Variants in PAM observed in about 807,000 individuals in gnomAD.
PAM encodes peptidylglycine alpha-amidating monooxygenase.
PAM carries 72 observed loss-of-function variants against 122.1 expected under a neutral mutation model. The observed-to-expected ratio is 0.59, with a 90% CI of 0.49 to 0.72. PAM has a LOEUF of 0.72. Among genes scored for constraint, PAM ranks in the 30% least tolerant of loss-of-function variants. The pLI is 0.00. For missense variants in PAM, 1,106 were observed against 1,183.7 expected (o/e 0.93, Z 0.96); for synonymous variants, 389 against 404.4 (o/e 0.96, Z 0.46).
chr5:102,959,828 T>C, intron 12 of PAM, 47 bp from the exon 13 acceptor site: 2 of 1,295,536 alleles, frequency 1.5e-6, no homozygotes, highest in Non-Finnish European at 2.2e-6. Context: ...ATTAAGCATG[T>C]GTTTTATGTG....
At chr5:102,793,743 A>G (rs1762643341) in intron 1 of PAM, among the ~76,000 whole-genome samples, 1 of 152,230 alleles carries the variant, frequency 6.6e-6, no homozygotes, top group Non-Finnish European at 1.5e-5. Flanking sequence ...AAAATATTAA[A>G]TGCTTTAAGT....
intron 1 of PAM, among the ~76,000 whole-genome samples, chr5:102,815,457 T>A (rs1769465663): frequency 6.6e-6 from 1 of 152,168 alleles, no homozygotes; most frequent in Non-Finnish European, 1.5e-5. Flanking sequence ...TGCATTAAAT[T>A]ACTAGTTTAT....
At chr5:103,000,086 G>A (rs924928908) in intron 16 of PAM, among the ~76,000 whole-genome samples, 3 of 152,146 alleles carry the variant, frequency 2.0e-5, no homozygotes, top group Middle Eastern at 3.4e-3. Context: ...TTAAACATAC[G>A]TTCCAATTCA....
At chr5:102,813,173 C>G (rs1768494827) in intron 1 of PAM, among the ~76,000 whole-genome samples, 1 of 151,634 alleles carries the variant, frequency 6.6e-6, no homozygotes, top group Non-Finnish European at 1.5e-5. Context: ...TTTACTAATC[C>G]CTTTACTTTG....
intron 3 of PAM, among the ~76,000 whole-genome samples, chr5:102,867,739 A>G (rs1353225012): frequency 6.6e-6 from 1 of 152,238 alleles, no homozygotes; most frequent in African/African-American, 2.4e-5. Flanking sequence ...AAGGAAAATG[A>G]TATTGAGCAG....
intron 1 of PAM, among the ~76,000 whole-genome samples, chr5:102,853,070 C>T (rs1384288344): frequency 6.6e-6 from 1 of 152,220 alleles, no homozygotes; most frequent in Non-Finnish European, 1.5e-5. Flanking sequence ...AATTGACCCT[C>T]ACTGCTGATT....
rs544321044 is a variant in PAM, at chr5:102,768,162, A to C, written c.-374+12814A>C. ...ATTACCATTAACATTTTCCACTCTG[A>C]TTCATACCTAACCATGTCTTTTAAA... On this transcript the variant is annotated intron_variant, in intron 1 of 25. Transcript: ENST00000438793. Among the ~76,000 whole-genome samples the C allele has an allele frequency of 3.9e-5, 6 of 152,258 alleles. No individual in the cohort carries two copies. In the South Asian group the frequency reaches 1.2e-3, roughly 32 times the overall value.
intron 1 of PAM, among the ~76,000 whole-genome samples, chr5:102,806,153 T>C (rs982715129): frequency 6.6e-6 from 1 of 152,228 alleles, no homozygotes; most frequent in Non-Finnish European, 1.5e-5. Flanking sequence ...TGTGTGTGTA[T>C]TGCCTAGATA....
intron 14 of PAM, among the ~76,000 whole-genome samples, chr5:102,964,363 C>A (rs1560040): frequency 0.29 from 43,362 of 151,620 alleles, 6,489 homozygotes; most frequent in East Asian, 0.43. Flanking sequence ...AACCTTTCAC[C>A]ATATCTTTGT....
chr5:102,867,458 A>G, intron 3 of PAM, 65 bp downstream of exon 3: 1 of 1,250,256 alleles, frequency 8.0e-7, no homozygotes, highest in Admixed American at 1.9e-5. Context: ...AAAGTAAGGA[A>G]ACTGCATTTA....
intron 1 of PAM, among the ~76,000 whole-genome samples, chr5:102,820,645 G>A (rs761809580): frequency 6.6e-6 from 1 of 152,042 alleles, no homozygotes; most frequent in Non-Finnish European, 1.5e-5. Flanking sequence ...AGATTAGTGA[G>A]GAATACACAT....
chr5:102,976,303 C>G (rs896759666), intron 15 of PAM, among the ~76,000 whole-genome samples: 10 of 152,034 alleles, frequency 6.6e-5, no homozygotes, highest in Non-Finnish European at 1.2e-4. Flanking sequence ...TCTTAATTCT[C>G]TTTCACCATT....
At chr5:102,790,384 T>C (rs968045237) in intron 1 of PAM, among the ~76,000 whole-genome samples, 24 of 152,090 alleles carry the variant, frequency 1.6e-4, no homozygotes, top group African/African-American at 5.5e-4. Flanking sequence ...TTATTCCCAT[T>C]GTATAGATGC....
intron 21 of PAM, among the ~76,000 whole-genome samples, chr5:103,015,523 C>G (rs1445031579): frequency 3.3e-5 from 5 of 152,162 alleles, no homozygotes; most frequent in Non-Finnish European, 7.4e-5. Context: ...AATACTAAAG[C>G]TTGGTCCTAA....
intron 23 of PAM, among the ~76,000 whole-genome samples, chr5:103,023,700 C>T (rs187871441): frequency 4.6e-5 from 7 of 152,022 alleles, no homozygotes; most frequent in Admixed American, 1.3e-4. Context: ...TCCCTTTAGC[C>T]ATAGTACAGG....
chr5:102,988,683 GAA>G (rs1341738766), intron 15 of PAM, among the ~76,000 whole-genome samples: 3 of 139,842 alleles, frequency 2.1e-5, no homozygotes, highest in South Asian at 2.2e-4. Flanking sequence ...AAAGGGAAAA[GAA>G]AGAAGGAAAG....
chr5:103,025,016 A>G lies in PAM; in HGVS notation c.2486-115A>G, dbSNP rs1198545414. On this transcript the variant is annotated intron_variant, in intron 23 of 25. Coordinates refer to ENST00000438793, the MANE Select transcript of PAM (RefSeq NM_001177306.2). ...GTATTAAAACATGAAACCCCTGTAC[A>G]CTGGAGTCAACAAGTTCTTTGTGAA... 3 of 698,010 alleles carry G rather than the reference A, an allele frequency of 4.3e-6. No homozygotes were observed. The Admixed American group carries it at 7.3e-5, about 17-fold the overall frequency. The allele number at this position is 698,010 out of a possible 1,614,324, so 43.2% of individuals were successfully genotyped here. A position where few individuals can be genotyped will look rare whatever the true frequency, so the allele number is the denominator to read the frequency against.
At chr5:102,828,370 A>G (rs1486252807) in intron 1 of PAM, among the ~76,000 whole-genome samples, 1 of 151,866 alleles carries the variant, frequency 6.6e-6, no homozygotes, top group East Asian at 1.9e-4. Context: ...AGTTATATTC[A>G]TATCCTATTC....
intron 3 of PAM, among the ~76,000 whole-genome samples, chr5:102,882,110 T>TGTACAC (rs1561748146): frequency 9.6e-6 from 1 of 103,792 alleles, no homozygotes; most frequent in African/African-American, 3.9e-5. Context: ...TATATATATA[T>TGTACAC]ACACCACATT....
Sources: gnomAD v4.1 joint callset for allele counts (sites outside exome capture counted in the v4.1 genomes callset) on GRCh38, gnomAD v4.1.1 for gene constraint, MANE v1.5 for transcripts, NCBI Gene and HGNC (gene_info 2026-07-23, HGNC 2026-07-21) for gene names.